Variants in ARHGEF16 observed in about 807,000 individuals in gnomAD.
ARHGEF16 encodes the protein Rho guanine nucleotide exchange factor 16.
A neutral mutation model predicts 74.1 loss-of-function variants in ARHGEF16; 59 were observed. That is an observed-to-expected ratio of 0.80 (90% CI 0.65 to 0.99). The LOEUF (loss-of-function observed/expected upper bound fraction) is 0.99, where lower values mean the gene tolerates loss of function less well. Ranked by LOEUF, ARHGEF16 falls within the 50% of genes least tolerant of loss-of-function variation. ARHGEF16 has a pLI of 0.00. For synonymous variants in ARHGEF16, 415 were observed against 412.6 expected (o/e 1.01, Z -0.07); for missense variants, 948 against 986.6 (o/e 0.96, Z 0.52).
chr1:3,470,758 C>T (rs549271454), intron 6 of ARHGEF16, among the ~76,000 whole-genome samples: 12 of 128,330 alleles, frequency 9.4e-5, no homozygotes, highest in South Asian at 5.1e-4. Flanking sequence ...CCCCAAGGCC[C>T]GGAGGGTGGC....
chr1:3,467,129 A>G (rs41315272), intron 3 of ARHGEF16, 39 bp from the exon 4 acceptor site: 498 of 1,526,368 alleles, frequency 3.3e-4, no homozygotes, highest in Non-Finnish European at 4.3e-4. Flanking sequence ...GCCTTTTGCA[A>G]TCCCCCAGGG....
At chr1:3,459,069 G>A (rs530710749) in intron 1 of ARHGEF16, among the ~76,000 whole-genome samples, 53 of 152,322 alleles carry the variant, frequency 3.5e-4, no homozygotes, top group African/African-American at 1.2e-3. Flanking sequence ...GAAAATCTGC[G>A]CAGCCCTAGA....
intron 4 of ARHGEF16, among the ~76,000 whole-genome samples, chr1:3,468,091 C>G (rs950440842): frequency 3.3e-5 from 5 of 152,154 alleles, no homozygotes; most frequent in African/African-American, 9.7e-5. Context: ...GATAGAAAGG[C>G]CTAGAAGTGC....
chr1:3,467,229 C>T lies in ARHGEF16; in HGVS notation c.696C>T (p.Asp232=), dbSNP rs750003908. 1.2e-4 allele frequency: 192 copies of T among 1,550,594 alleles called. No individual in the cohort carries two copies. In the African/African-American group the frequency reaches 1.3e-3, roughly 11 times the overall value. Residue 232 remains aspartate, a synonymous_variant, in exon 4 of 15, where the codon GAC becomes GAT. Transcript: ENST00000378378. ...RGLNTSQESD[D]DILDESSSPE... ...TGAACACCAGCCAGGAGTCTGATGA[C>T]GACATCCTCGATGAGTCCTCCAGCC...
In ARHGEF16 at chr1:3,469,441, C is replaced by T. The variant is rs759132401; in HGVS notation, c.870C>T (p.Phe290=). ...TAGGCCCCTCTCCACAGGCCATGTTCGAGATCCTCACGTCGGAGTTCTCCT... is the reference window on the plus strand; with the variant it reads ...TAGGCCCCTCTCCACAGGCCATGTTTGAGATCCTCACGTCGGAGTTCTCCT... ...TEERKRQEAM[F]EILTSEFSYQ... Residue 290 remains phenylalanine (F), a synonymous_variant, in exon 6 of 15, where the codon TTC becomes TTT. Coordinates refer to ENST00000378378, the MANE Select transcript of ARHGEF16 (RefSeq NM_014448.4). 7.4e-6 allele frequency: 12 copies of T among 1,612,798 alleles called. No homozygotes were observed. In the East Asian group the frequency reaches 1.3e-4, roughly 18 times the overall value.
intron 1 of ARHGEF16, among the ~76,000 whole-genome samples, chr1:3,458,171 G>C (rs1052448104): frequency 1.3e-5 from 2 of 152,214 alleles, no homozygotes; most frequent in Admixed American, 1.3e-4. Flanking sequence ...CCCGACTGTG[G>C]GGACACGAAC....
At position 3,474,813 on chromosome 1, in the gene ARHGEF16, G is replaced by A. The variant is rs551018136; in HGVS notation, c.1380+31G>A. On this transcript the variant is annotated intron_variant, in intron 9 of 14. Transcript: ENST00000378378. The stretch of plus-strand genomic sequence containing the variant: ...ATGGGGCCTGGCCCCAGCCCTACCC[G>A]AGTCCTGTACCCCGACCCTGTCCCC... 1.6e-5 allele frequency: 25 copies of A among 1,606,440 alleles called. No homozygotes were observed. In the African/African-American group the frequency reaches 2.0e-4, roughly 13 times the overall value.
Position 3,463,445 on chromosome 1 carries a change from G to T in ARHGEF16, c.361G>T (p.Asp121Tyr). ...ACTTAGCAGGGAGGCCGCCCGGCGG[G>T]ACCCTAAGCTCCTCCCAGCCCCCAG... Reference protein sequence around the residue: ...AVLSREAARRDPKLLPAPSFS... With the variant: ...AVLSREAARRYPKLLPAPSFS... Residue 121 changes from aspartate (D) to tyrosine (Y), a missense_variant, in exon 2 of 15, where the codon GAC becomes TAC. Asp to Tyr is a radical substitution (Grantham distance 160). Transcript: ENST00000378378. 6.5e-7 allele frequency: 1 copy of T among 1,544,442 alleles called. No homozygotes were observed. The highest frequency in any genetic ancestry group is 1.2e-5 in the South Asian group (1 of 83,648).
chr1:3,479,990 C>A, intron 14 of ARHGEF16, 77 bp downstream of exon 14: 2 of 1,422,734 alleles, frequency 1.4e-6, no homozygotes, highest in South Asian at 1.2e-5. Flanking sequence ...CTGGCCAGGT[C>A]CAGAGCATGC....
At chr1:3,461,509 C>T (rs1369276040) in intron 1 of ARHGEF16, among the ~76,000 whole-genome samples, 1 of 152,202 alleles carries the variant, frequency 6.6e-6, no homozygotes. Flanking sequence ...TGGGGAGCCC[C>T]TGAGCAGCAG....
At chr1:3,480,260 A>T (rs919151305) in intron 14 of ARHGEF16, among the ~76,000 whole-genome samples, 188 bp from the exon 15 acceptor site, 3 of 152,172 alleles carry the variant, frequency 2.0e-5, no homozygotes, top group Non-Finnish European at 2.9e-5. Flanking sequence ...CTCAGTGGCG[A>T]GCACCTGAGC....
At chr1:3,459,209 G>A (rs919229163) in intron 1 of ARHGEF16, among the ~76,000 whole-genome samples, 1 of 152,118 alleles carries the variant, frequency 6.6e-6, no homozygotes, top group African/African-American at 2.4e-5. Context: ...GGACCCTACC[G>A]AGGCACATCA....
chr1:3,463,804 G>A (rs541208215), intron 2 of ARHGEF16, 132 bp downstream of exon 2: 21 of 742,246 alleles, frequency 2.8e-5, no homozygotes, highest in Middle Eastern at 3.1e-4. Flanking sequence ...GAGGGCTCTC[G>A]ACTGGTTTAT....
intron 6 of ARHGEF16, chr1:3,471,808 C>A (rs955261854): frequency 1.8e-5 from 20 of 1,084,650 alleles, no homozygotes; most frequent in Non-Finnish European, 2.1e-5. Context: ...GGCTGGTGGG[C>A]GGCTCTCCCA....
intron 6 of ARHGEF16, 71 bp downstream of exon 6, chr1:3,469,664 C>A: frequency 6.3e-7 from 1 of 1,579,436 alleles, no homozygotes; most frequent in South Asian, 1.1e-5. Flanking sequence ...GGGCACCGCA[C>A]TGTCATCAGC....
intron 4 of ARHGEF16, among the ~76,000 whole-genome samples, chr1:3,468,242 C>G (rs2100744002): frequency 6.6e-6 from 1 of 152,324 alleles, no homozygotes; most frequent in South Asian, 2.1e-4. Flanking sequence ...GGGGACTCAC[C>G]CTTGGCCCAG....
At chr1:3,460,014 C>T (rs1172016491) in intron 1 of ARHGEF16, among the ~76,000 whole-genome samples, 1 of 152,212 alleles carries the variant, frequency 6.6e-6, no homozygotes, top group Non-Finnish European at 1.5e-5. Context: ...CTTTGGTGCT[C>T]GTTGACTTTT....
At chr1:3,472,345 C>T (rs1039863343) in intron 6 of ARHGEF16, among the ~76,000 whole-genome samples, 1 of 152,240 alleles carries the variant, frequency 6.6e-6, no homozygotes, top group Admixed American at 6.5e-5. Context: ...AGTGTTAACT[C>T]CCTTCATCCT....
At chr1:3,465,780 C>T (rs1036512385) in intron 2 of ARHGEF16, among the ~76,000 whole-genome samples, 6 of 152,188 alleles carry the variant, frequency 3.9e-5, no homozygotes, top group African/African-American at 9.6e-5. Context: ...AATCCTTGCT[C>T]GTCTGTCCCA....
Sources: allele counts gnomAD v4.1 joint callset (sites outside exome capture counted in the v4.1 genomes callset), GRCh38; gene constraint gnomAD v4.1.1; transcripts MANE v1.5; gene names NCBI Gene and HGNC (gene_info 2026-07-23, HGNC 2026-07-21).